The following RPH3A variants were observed in gnomAD, a reference collection of about 807,000 sequenced individuals.
RPH3A encodes the protein rabphilin 3A.
In RPH3A, 48 loss-of-function variants were observed where a neutral mutation model predicts 102.2. That is an observed-to-expected ratio of 0.47 (90% CI 0.37 to 0.60). RPH3A has a LOEUF of 0.60. RPH3A is among the 20% of genes least tolerant of loss of function. RPH3A has a pLI of 0.00. For missense variants in RPH3A, 781 were observed against 910.1 expected (o/e 0.86, Z 1.83); for synonymous variants, 310 against 324.3 (o/e 0.96, Z 0.47).
intron 1 of RPH3A, among the ~76,000 whole-genome samples, chr12:112,580,444 C>A (rs1273849270): frequency 7.2e-6 from 1 of 139,144 alleles, no homozygotes; most frequent in African/African-American, 2.6e-5. Flanking sequence ...CGCTCTGTCG[C>A]CCAGGCTGGA....
At chr12:112,789,215 G>T (rs1383294238), upstream of RPH3A, among the ~76,000 whole-genome samples, 1 of 152,166 alleles carries the variant, frequency 6.6e-6, no homozygotes, top group East Asian at 1.9e-4. Context: ...GACTGCCCTA[G>T]GCAATAGACC....
Position 112,685,121 on chromosome 12 carries a change from G to A in RPH3A, c.-139-107022G>A, listed in dbSNP as rs148783613. 3.8e-3 allele frequency among the ~76,000 whole-genome samples: 583 copies of A among 152,230 alleles called. 1 individual carries two copies. Among genetic ancestry groups the A allele is most frequent in the African/African-American group, 0.014 (565 of 41,526 alleles). On this transcript the variant is annotated intron_variant, in intron 1 of 21. Transcript: ENST00000543106. ...CTGGTTAATTCTTTAATTTTTTGTA[G>A]AGATGGGTTCTCACTATGTTGCCCA...
intron 1 of RPH3A, among the ~76,000 whole-genome samples, chr12:112,678,318 AAAGAAAGAAAGAAG>A (rs2040200766): frequency 8.2e-6 from 1 of 122,516 alleles, no homozygotes; most frequent in African/African-American, 3.1e-5. Flanking sequence ...AGAGAGAGAG[AAAGAAAGAAAGAAG>A]GAAGGAAGGA....
chr12:112,795,509 A>G (rs1160546695), intron 2 of RPH3A, among the ~76,000 whole-genome samples: 1 of 152,150 alleles, frequency 6.6e-6, no homozygotes, highest in African/African-American at 2.4e-5. Context: ...CCTCACACCT[A>G]TCTACCTTCT....
intron 8 of RPH3A, chr12:112,869,511 G>A: frequency 2.1e-6 from 1 of 466,400 alleles, no homozygotes; most frequent in Non-Finnish European, 3.8e-6. Context: ...CTTCTAGGCT[G>A]AGAAGGCTGT....
intron 1 of RPH3A, among the ~76,000 whole-genome samples, chr12:112,766,041 T>C (rs1029944167): frequency 1.3e-5 from 2 of 152,160 alleles, no homozygotes; most frequent in Admixed American, 6.5e-5. Flanking sequence ...CATCTCTCCA[T>C]GAATCTGCTT....
At chr12:112,610,691 G>C (rs990970797) in intron 1 of RPH3A, among the ~76,000 whole-genome samples, 2 of 151,910 alleles carry the variant, frequency 1.3e-5, no homozygotes, top group African/African-American at 4.8e-5. Context: ...GAGTGCAGTG[G>C]CATGATCTTG....
At chr12:112,743,637 G>A (rs1189071508) in intron 1 of RPH3A, among the ~76,000 whole-genome samples, 3 of 152,210 alleles carry the variant, frequency 2.0e-5, no homozygotes, top group African/African-American at 7.2e-5. Flanking sequence ...ACTGTTTTGA[G>A]TAGTTGGGCT....
At chr12:112,608,005 G>A (rs2039610640) in intron 1 of RPH3A, among the ~76,000 whole-genome samples, 1 of 152,052 alleles carries the variant, frequency 6.6e-6, no homozygotes, top group African/African-American at 2.4e-5. Flanking sequence ...AGCCAAAGGG[G>A]ATGATTTGCT....
intron 1 of RPH3A, among the ~76,000 whole-genome samples, chr12:112,721,989 G>A (rs2040554905): frequency 6.6e-6 from 1 of 152,194 alleles, no homozygotes; most frequent in Non-Finnish European, 1.5e-5. Context: ...AAACTCTTTT[G>A]AGATAAATCT....
At chr12:112,597,867 G>A (rs2039528901) in intron 1 of RPH3A, among the ~76,000 whole-genome samples, 1 of 152,178 alleles carries the variant, frequency 6.6e-6, no homozygotes, top group Non-Finnish European at 1.5e-5. Flanking sequence ...GTCCAGAAAA[G>A]AGGATTCCTA....
intron 1 of RPH3A, among the ~76,000 whole-genome samples, chr12:112,674,781 C>T (rs1257665665): frequency 6.6e-6 from 1 of 152,148 alleles, no homozygotes. Flanking sequence ...GCCCGTGCAA[C>T]AGAGGCACAA....
chr12:112,776,311 C>A (rs892073978), intron 1 of RPH3A, among the ~76,000 whole-genome samples: 2 of 152,134 alleles, frequency 1.3e-5, no homozygotes, highest in Non-Finnish European at 2.9e-5. Context: ...ACAAAAAACC[C>A]CCCCATAGCT....
intron 1 of RPH3A, among the ~76,000 whole-genome samples, chr12:112,686,577 C>T (rs1286313152): frequency 6.6e-6 from 1 of 152,192 alleles, no homozygotes; most frequent in Non-Finnish European, 1.5e-5. Flanking sequence ...AGGCACATGG[C>T]ACAGTCTTCC....
intron 1 of RPH3A, among the ~76,000 whole-genome samples, chr12:112,618,582 C>T (rs763016945): frequency 1.7e-4 from 26 of 152,162 alleles, no homozygotes; most frequent in Admixed American, 4.6e-4. Flanking sequence ...TAAATAGTCT[C>T]CATCTTGTAA....
intron 2 of RPH3A, among the ~76,000 whole-genome samples, chr12:112,819,896 T>C (rs1397448711): frequency 1.3e-5 from 2 of 152,234 alleles, no homozygotes; most frequent in Non-Finnish European, 2.9e-5. Context: ...AGGGCTAGTA[T>C]TTCCAAGCCT....
chr12:112,856,631 A>C lies in RPH3A; in HGVS notation c.231-8783A>C, dbSNP rs140522932. Among the ~76,000 whole-genome samples the C allele has an allele frequency of 1.2e-4, 18 of 152,168 alleles. No individual in the cohort carries two copies. In the East Asian group the frequency reaches 3.3e-3, roughly 28 times the overall value. On this transcript the variant is annotated intron_variant, in intron 5 of 21. Coordinates refer to ENST00000389385, the MANE Select transcript of RPH3A (RefSeq NM_001143854.2). ...GATAGATAGGCACTTGAGTCCTATAAATTTCTCATCAATGTGGCCCCTTTA... is the reference window on the plus strand; with the variant it reads ...GATAGATAGGCACTTGAGTCCTATACATTTCTCATCAATGTGGCCCCTTTA...
chr12:112,599,757 T>A (rs557924172), intron 1 of RPH3A, among the ~76,000 whole-genome samples: 1 of 152,270 alleles, frequency 6.6e-6, no homozygotes, highest in Non-Finnish European at 1.5e-5. Context: ...ACCCTTCCCA[T>A]CTCTAACTGA....
At chr12:112,697,449 G>C (rs1231781194) in intron 1 of RPH3A, among the ~76,000 whole-genome samples, 1 of 152,158 alleles carries the variant, frequency 6.6e-6, no homozygotes, top group Non-Finnish European at 1.5e-5. Flanking sequence ...ATAAACCATT[G>C]CTGAGAGAAA....
Sources: gnomAD v4.1 joint callset for allele counts (sites outside exome capture counted in the v4.1 genomes callset) on GRCh38, gnomAD v4.1.1 for gene constraint, MANE v1.5 for transcripts, NCBI Gene and HGNC (gene_info 2026-07-23, HGNC 2026-07-21) for gene names.